SLC1A4: variants seen among roughly 807,000 people sequenced by gnomAD.
The protein encoded by SLC1A4 is neutral amino acid transporter A.
A neutral mutation model predicts 37.7 loss-of-function variants in SLC1A4; 19 were observed. The ratio of observed to expected loss-of-function variants is 0.50; its 90% CI spans 0.35 to 0.74. The LOEUF is 0.74. SLC1A4 is among the 30% of genes least tolerant of loss of function. SLC1A4 has a pLI of 0.01. For missense variants in SLC1A4, 570 were observed against 712.9 expected (o/e 0.80, Z 2.28); for synonymous variants, 299 against 309.8 (o/e 0.97, Z 0.37).
At chr2:65,017,640 C>CT (rs11449616) in intron 5 of SLC1A4, among the ~76,000 whole-genome samples, 3,941 of 152,222 alleles carry the variant, frequency 0.026, 62 homozygotes, top group African/African-American at 0.035. Flanking sequence ...CTTAGTTATT[C>CT]TTCCAAGCTC....
rs771138958 is a variant in SLC1A4, at chr2:65,018,633, C to T, written c.1318C>T (p.Leu440=). The T allele has an allele frequency of 1.2e-5, 19 of 1,614,122 alleles. No individual in the cohort carries two copies. Among genetic ancestry groups the T allele is most frequent in the African/African-American group, 1.3e-5 (1 of 74,936 alleles). Residue 440 remains leucine (L), a synonymous_variant, in exon 7 of 8, where the codon CTG becomes TTG. Coordinates refer to ENST00000234256, the MANE Select transcript of SLC1A4 (RefSeq NM_003038.5). The surrounding 1 kb of genome is among the most constrained non-coding windows in gnomAD (Gnocchi z 4.3). ...TIAIILEAIG[L]PTHDLPLILA... ...TGCCATTATCCTGGAGGCCATTGGG[C>T]TGCCTACTCATGACCTGCCTCTGAT... is the stretch of plus-strand genomic sequence containing the variant.
At chr2:65,004,644 T>A (rs1480282796) in intron 3 of SLC1A4, among the ~76,000 whole-genome samples, 3 of 151,994 alleles carry the variant, frequency 2.0e-5, no homozygotes, top group Non-Finnish European at 4.4e-5. Flanking sequence ...ATAAGTGATT[T>A]AAACTACCCC....
chr2:65,013,903 A>T (rs534550344), intron 4 of SLC1A4, among the ~76,000 whole-genome samples: 5 of 152,354 alleles, frequency 3.3e-5, no homozygotes, highest in African/African-American at 1.2e-4. Context: ...CAACTCTGCC[A>T]CTGTAGGAGA....
At chr2:65,009,678 T>C (rs1213371848) in intron 3 of SLC1A4, among the ~76,000 whole-genome samples, 1 of 152,262 alleles carries the variant, frequency 6.6e-6, no homozygotes, top group African/African-American at 2.4e-5. Context: ...ATAATATGTG[T>C]TGGTGGGATA....
chr2:65,016,906 G>A (rs1027631319), intron 5 of SLC1A4, among the ~76,000 whole-genome samples: 8 of 152,248 alleles, frequency 5.3e-5, no homozygotes, highest in East Asian at 3.9e-4. Context: ...TCGGCCTTCC[G>A]AATAGCTGTG....
At chr2:64,990,381 G>C (rs889972212) in intron 1 of SLC1A4, among the ~76,000 whole-genome samples, 1 of 152,204 alleles carries the variant, frequency 6.6e-6, no homozygotes, top group Admixed American at 6.5e-5. Flanking sequence ...CCGCACAATC[G>C]AAAGAGCAGG....
chr2:64,994,166 A>G (rs1217285148), intron 1 of SLC1A4, among the ~76,000 whole-genome samples: 2 of 152,266 alleles, frequency 1.3e-5, no homozygotes, highest in Non-Finnish European at 2.9e-5. Flanking sequence ...GAGAGAAGTC[A>G]AAACTAAACA....
chr2:65,004,423 ATTATTTATTTATTTATTTAT>A (rs141003389), intron 3 of SLC1A4, among the ~76,000 whole-genome samples: 1 of 149,448 alleles, frequency 6.7e-6, no homozygotes, highest in African/African-American at 2.5e-5. Flanking sequence ...CTAATATTTT[ATTATTTATTTATTTATTTAT>A]TTATTTATTT....
Position 65,022,420 on chromosome 2 carries a change from T to G in SLC1A4, c.*1274T>G, listed in dbSNP as rs1192254065. 6.6e-6 allele frequency: 1 copy of G among 152,264 alleles called. No homozygotes were observed. Among genetic ancestry groups the G allele is most frequent in the Non-Finnish European group, 1.5e-5 (1 of 68,054 alleles). 9.4% of individuals were successfully genotyped at this position (152,264 alleles called of 1,614,324 possible). On this transcript the variant is annotated 3_prime_UTR_variant, in exon 8 of 8. Coordinates refer to ENST00000234256, the MANE Select transcript of SLC1A4 (RefSeq NM_003038.5). ...TCCTGGGGCCTCACTTTACCCCATT[T>G]GTAAAATGGGGCTAATGTCACCTGC...
chr2:64,993,888 C>G (rs149582267), intron 1 of SLC1A4, among the ~76,000 whole-genome samples: 118 of 152,236 alleles, frequency 7.8e-4, no homozygotes, highest in African/African-American at 2.7e-3. Context: ...CAGTGCTGGC[C>G]CAATACACCT....
chr2:64,989,893 C>T lies in SLC1A4; in HGVS notation c.250C>T (p.Arg84Cys). Reference protein sequence around the residue: ...YLAFPGEMLLRMLRMIILPLV... With the variant: ...YLAFPGEMLLCMLRMIILPLV... Reference sequence around the variant, plus strand: ...GGCCTTCCCCGGCGAGATGCTGCTCCGCATGCTGCGCATGATCATCCTGCC... The same window carrying T: ...GGCCTTCCCCGGCGAGATGCTGCTCTGCATGCTGCGCATGATCATCCTGCC... Residue 84 changes from arginine (R) to cysteine (C), a missense_variant, in exon 1 of 8, where the codon CGC (arginine) becomes TGC (cysteine). Physicochemically the swap from Arg to Cys is radical, Grantham distance 180 (BLOSUM62 -3). Coordinates refer to ENST00000234256, the MANE Select transcript of SLC1A4 (RefSeq NM_003038.5). The T allele has an allele frequency of 6.4e-7, 1 of 1,550,512 alleles. No individual in the cohort carries two copies. Among genetic ancestry groups the T allele is most frequent in the Middle Eastern group, 1.8e-4 (1 of 5,616 alleles).
chr2:65,008,648 AT>A (rs1330978609), intron 3 of SLC1A4, among the ~76,000 whole-genome samples: 2 of 152,040 alleles, frequency 1.3e-5, no homozygotes, highest in Non-Finnish European at 2.9e-5. Flanking sequence ...CTCCAAAAAA[AT>A]AAATAAATAA....
chr2:65,003,299 G>C (rs1282314768), intron 2 of SLC1A4, among the ~76,000 whole-genome samples: 1 of 152,216 alleles, frequency 6.6e-6, no homozygotes, highest in African/African-American at 2.4e-5. Flanking sequence ...CCACTTGTTA[G>C]TACATACTGC....
At chr2:64,998,579 T>C (rs114623049) in intron 1 of SLC1A4, among the ~76,000 whole-genome samples, 184 of 152,292 alleles carry the variant, frequency 1.2e-3, no homozygotes, top group African/African-American at 4.2e-3. Context: ...TCTGTTCCCA[T>C]TGGATTTTGC....
chr2:65,008,364 G>T (rs922370925), intron 3 of SLC1A4, among the ~76,000 whole-genome samples: 1 of 152,212 alleles, frequency 6.6e-6, no homozygotes, highest in Non-Finnish European at 1.5e-5. Flanking sequence ...TTGGCCAGGT[G>T]CAGTGGCTCA....
upstream of SLC1A4, among the ~76,000 whole-genome samples, chr2:64,988,870 C>G (rs1672908287): frequency 1.6e-3 from 1 of 644 alleles, no homozygotes. Flanking sequence ...GAGAGGAGCG[C>G]GGGCCGCGCG....
In SLC1A4 at chr2:65,009,248, C is replaced by T. The variant is rs377345369; in HGVS notation, c.634-1349C>T. On this transcript the variant is annotated intron_variant, in intron 3 of 7. Transcript: ENST00000234256. ...ATTAGCTGGGCATGGTGGCGCATGC[C>T]TGTAATCCCAGGTACTTGGGAGGCT... 9.3e-4 allele frequency among the ~76,000 whole-genome samples: 142 copies of T among 152,190 alleles called. 4 individuals carry two copies. The South Asian group carries it at 0.029, about 31-fold the overall frequency.
intron 1 of SLC1A4, among the ~76,000 whole-genome samples, chr2:64,997,146 A>G (rs1673288034): frequency 6.6e-6 from 1 of 152,006 alleles, no homozygotes; most frequent in Non-Finnish European, 1.5e-5. Context: ...GCAAAGGAGG[A>G]TGCTTTCTAT....
At chr2:64,992,223 C>T (rs1050848100) in intron 1 of SLC1A4, among the ~76,000 whole-genome samples, 16 of 152,168 alleles carry the variant, frequency 1.1e-4, no homozygotes, top group African/African-American at 3.1e-4. Flanking sequence ...GGTCCCGCAC[C>T]GGGAGCCTCA....
Sources: allele counts gnomAD v4.1 joint callset (sites outside exome capture counted in the v4.1 genomes callset), GRCh38; gene constraint gnomAD v4.1.1; non-coding constraint Gnocchi (gnomAD v3.1); transcripts MANE v1.5; gene names NCBI Gene and HGNC (gene_info 2026-07-23, HGNC 2026-07-21).